Variants in SLC1A7 observed in about 807,000 individuals in gnomAD.
SLC1A7 encodes the protein solute carrier family 1 member 7.
In SLC1A7, 40 loss-of-function variants were observed where a neutral mutation model predicts 47.7. That is an observed-to-expected ratio of 0.84 (90% CI 0.65 to 1.09). The LOEUF (loss-of-function observed/expected upper bound fraction) is 1.09. Among genes scored for constraint, SLC1A7 ranks in the 50% least tolerant of loss-of-function variants. The pLI is 0.00. For missense variants in SLC1A7, 746 were observed against 769.5 expected, an observed-to-expected ratio of 0.97 and a Z score of 0.36; for synonymous variants, 323 against 325.6, an observed-to-expected ratio of 0.99 and a Z score of 0.09.
At chr1:53,107,153 TAAAAAAA>T (rs11417607) in intron 3 of SLC1A7, among the ~76,000 whole-genome samples, 2 of 24,334 alleles carry the variant, frequency 8.2e-5, no homozygotes, top group Non-Finnish European at 2.0e-4. Context: ...AGACTCTGAC[TAAAAAAA>T]AAAAAAAAAA....
chr1:53,138,092 C>T (rs936840613), intron 1 of SLC1A7, among the ~76,000 whole-genome samples: 6 of 152,188 alleles, frequency 3.9e-5, no homozygotes, highest in Non-Finnish European at 7.3e-5. Context: ...TGAGATACTT[C>T]GTTGGAAATA....
chr1:53,128,712 G>A (rs1267430604), intron 2 of SLC1A7, among the ~76,000 whole-genome samples: 2 of 142,178 alleles, frequency 1.4e-5, no homozygotes, highest in Non-Finnish European at 3.1e-5. Context: ...TCAGTCAAGG[G>A]TGGCTTTCCA....
chr1:53,119,826 G>T (rs1254384540), intron 2 of SLC1A7, among the ~76,000 whole-genome samples: 1 of 152,184 alleles, frequency 6.6e-6, no homozygotes, highest in Admixed American at 6.5e-5. Context: ...GAGGCTTCCA[G>T]ATAGAGTGGG....
At chr1:53,088,287 G>A (rs1324126627) in intron 10 of SLC1A7, 60 bp from the exon 11 acceptor site, 1 of 1,375,816 alleles carries the variant, frequency 7.3e-7, no homozygotes, top group South Asian at 1.4e-5. Context: ...ATACGAGGGA[G>A]GACTGAGGGC....
intron 1 of SLC1A7, among the ~76,000 whole-genome samples, chr1:53,138,431 T>A (rs1017485029): frequency 1.3e-5 from 2 of 152,206 alleles, no homozygotes; most frequent in Admixed American, 1.3e-4. Context: ...TAGCTGGACA[T>A]TGAACATTCT....
At chr1:53,139,151 G>A (rs1645030951) in intron 1 of SLC1A7, among the ~76,000 whole-genome samples, 1 of 152,208 alleles carries the variant, frequency 6.6e-6, no homozygotes, top group Admixed American at 6.5e-5. Context: ...TATGAGTAGG[G>A]TTTGTCAACT....
At chr1:53,136,217 T>C (rs1466939536) in intron 1 of SLC1A7, among the ~76,000 whole-genome samples, 1 of 147,614 alleles carries the variant, frequency 6.8e-6, no homozygotes, top group African/African-American at 2.5e-5. Context: ...TTAGACAGAG[T>C]CTTGCTCTGT....
At chr1:53,114,681 G>A (rs1644736569) in intron 3 of SLC1A7, 77 bp downstream of exon 3, 36 of 1,287,402 alleles carry the variant, frequency 2.8e-5, no homozygotes, top group Middle Eastern at 2.5e-4. Flanking sequence ...TCCACACCCC[G>A]TCCTGGCCTC....
chr1:53,107,474 A>G (rs1644656643), intron 3 of SLC1A7, among the ~76,000 whole-genome samples: 1 of 152,222 alleles, frequency 6.6e-6, no homozygotes, highest in Admixed American at 6.5e-5. Flanking sequence ...TAAACCGCTA[A>G]CATCAGGGGA....
At chr1:53,103,020 G>C in intron 5 of SLC1A7, 1 of 240,588 alleles carries the variant, frequency 4.2e-6, no homozygotes, top group African/African-American at 2.2e-5. Context: ...TAAAAACCAA[G>C]GTGCGGGCCT....
chr1:53,125,936 C>T (rs1196342265), intron 2 of SLC1A7, among the ~76,000 whole-genome samples: 1 of 152,318 alleles, frequency 6.6e-6, no homozygotes, highest in African/African-American at 2.4e-5. Context: ...CCTGCTAGTA[C>T]AGGGGAGTAG....
chr1:53,105,596 C>G, intron 4 of SLC1A7, 136 bp downstream of exon 4: 1 of 775,468 alleles, frequency 1.3e-6, no homozygotes, highest in South Asian at 1.4e-5. Flanking sequence ...GTACCCTCCC[C>G]TCTAGCATCC....
chr1:53,127,168 A>G (rs1769310), intron 2 of SLC1A7, among the ~76,000 whole-genome samples: 151,594 of 152,078 alleles, frequency 1, 75,557 homozygotes, highest in Middle Eastern at 1. Flanking sequence ...ACAAATGCTG[A>G]TGGTGAGACT....
At chr1:53,098,142 G>A (rs1310139960) in intron 5 of SLC1A7, among the ~76,000 whole-genome samples, 3 of 140,554 alleles carry the variant, frequency 2.1e-5, no homozygotes, top group African/African-American at 8.1e-5. Context: ...CACACACCAC[G>A]TCTTGGTAAA....
chr1:53,090,059 AGG>A, intron 8 of SLC1A7, 125 bp from the exon 9 acceptor site: 5 of 975,556 alleles, frequency 5.1e-6, no homozygotes, highest in African/African-American at 1.6e-5. Context: ...GGGGGTGGGT[AGG>A]AATGCCACAC....
At position 53,090,725 on chromosome 1, in the gene SLC1A7, G is replaced by A. The variant is rs768603158; in HGVS notation, c.1113C>T (p.Pro371=). ...CGTCCATGTTGATGGTGGCACCCACGGGCAGCACGAAGCGAGCGATGCGCC... is the reference window on the plus strand; with the variant it reads ...CGTCCATGTTGATGGTGGCACCCACAGGCAGCACGAAGCGAGCGATGCGCC... The part of the protein sequence containing the change: ...IDRRIARFVL[P]VGATINMDGT... Residue 371 remains proline, a synonymous_variant, in exon 8 of 11, where the codon CCC becomes CCT. Transcript: ENST00000371494. The A allele has an allele frequency of 7.4e-6, 12 of 1,613,694 alleles. No homozygotes were observed. Among genetic ancestry groups the A allele is most frequent in the South Asian group, 5.5e-5 (5 of 91,032 alleles).
chr1:53,096,480 A>G (rs35238020), intron 5 of SLC1A7, among the ~76,000 whole-genome samples: 19,910 of 143,116 alleles, frequency 0.14, 1,467 homozygotes, highest in Middle Eastern at 0.23. Flanking sequence ...ACCCCACCTT[A>G]GCACACTCAC....
At chr1:53,132,866 C>A (rs750738938) in intron 2 of SLC1A7, among the ~76,000 whole-genome samples, 2 of 152,104 alleles carry the variant, frequency 1.3e-5, no homozygotes, top group Non-Finnish European at 2.9e-5. Flanking sequence ...AAACTTGAAA[C>A]GTTTGTGAAA....
intron 7 of SLC1A7, 102 bp from the exon 8 acceptor site, chr1:53,090,908 G>A: frequency 6.5e-7 from 1 of 1,548,320 alleles, no homozygotes; most frequent in Non-Finnish European, 8.7e-7. Flanking sequence ...CCCGCCAGGA[G>A]TGTTTGTGCC....
Sources: allele counts gnomAD v4.1 joint callset (sites outside exome capture counted in the v4.1 genomes callset), GRCh38; gene constraint gnomAD v4.1.1; transcripts MANE v1.5; gene names NCBI Gene and HGNC (gene_info 2026-07-23, HGNC 2026-07-21).